The following CA10 variants were observed in gnomAD, a reference collection of about 807,000 sequenced individuals.
CA10 encodes carbonic anhydrase-related protein 10.
A neutral mutation model predicts 44.2 loss-of-function variants in CA10; 14 were observed. That is an observed-to-expected ratio of 0.32 (90% CI 0.21 to 0.50). CA10 has a LOEUF of 0.50. Ranked by LOEUF, CA10 falls within the 20% of genes least tolerant of loss-of-function variation. CA10 has a pLI of 0.99. For missense variants in CA10, 350 were observed against 409.7 expected (o/e 0.85, Z 1.26); for synonymous variants, 159 against 141.6 (o/e 1.12, Z -0.87).
chr17:52,071,308 A>C (rs1444852539), intron 2 of CA10, among the ~76,000 whole-genome samples: 2 of 152,234 alleles, frequency 1.3e-5, no homozygotes, highest in African/African-American at 4.8e-5. Context: ...ACTCTCCCTT[A>C]CCATGCCTGC....
intron 3 of CA10, among the ~76,000 whole-genome samples, chr17:51,887,878 T>C (rs922058157): frequency 6.7e-6 from 1 of 150,024 alleles, no homozygotes; most frequent in Non-Finnish European, 1.5e-5. Flanking sequence ...GAAAAAAAAT[T>C]AGTCGGGTGT....
Position 51,982,382 on chromosome 17 carries a change from T to G in CA10, c.137-51250A>C, listed in dbSNP as rs191834349. 2.4e-3 allele frequency among the ~76,000 whole-genome samples: 362 copies of G among 152,028 alleles called. 1 individual carries two copies. Among genetic ancestry groups the G allele is most frequent in the African/African-American group, 8.5e-3 (353 of 41,526 alleles). ...ACTTAAATTGTGCAATCAGGGTCTA[T>G]CCACACATTCAGCTATATTCTGTCA... On this transcript the variant is annotated intron_variant, in intron 2 of 8. Coordinates refer to ENST00000451037, the MANE Select transcript of CA10 (RefSeq NM_020178.5).
chr17:51,843,279 G>A (rs1329470612), intron 3 of CA10, among the ~76,000 whole-genome samples: 1 of 152,176 alleles, frequency 6.6e-6, no homozygotes, highest in Admixed American at 6.5e-5. Context: ...AGCTTCTCAC[G>A]GCTGGGCCTC....
At chr17:51,953,981 C>A (rs1442727927) in intron 2 of CA10, among the ~76,000 whole-genome samples, 1 of 152,134 alleles carries the variant, frequency 6.6e-6, no homozygotes, top group East Asian at 1.9e-4. Context: ...AAGTATTACT[C>A]TGTTGTGATT....
chr17:51,719,850 A>G (rs1485018426), intron 4 of CA10, among the ~76,000 whole-genome samples: 3 of 152,150 alleles, frequency 2.0e-5, no homozygotes, highest in Admixed American at 6.6e-5. Flanking sequence ...TAATCCCACA[A>G]CTGCAGCCTG....
At chr17:51,849,161 ATG>A (rs1176733588) in intron 3 of CA10, among the ~76,000 whole-genome samples, 9 of 108,464 alleles carry the variant, frequency 8.3e-5, no homozygotes, top group East Asian at 5.0e-4. Context: ...ATATACATAT[ATG>A]TATATATATA....
intron 2 of CA10, among the ~76,000 whole-genome samples, chr17:51,955,935 G>A (rs2144041089): frequency 6.6e-6 from 1 of 152,194 alleles, no homozygotes; most frequent in South Asian, 2.1e-4. Context: ...CATGGCACGT[G>A]TATACCTATG....
At chr17:51,804,928 G>A (rs1476261103) in intron 3 of CA10, among the ~76,000 whole-genome samples, 1 of 152,102 alleles carries the variant, frequency 6.6e-6, no homozygotes, top group Non-Finnish European at 1.5e-5. Flanking sequence ...TTCCCACTTT[G>A]AGGGTGGAGA....
intron 3 of CA10, among the ~76,000 whole-genome samples, chr17:51,886,805 G>A (rs1980621787): frequency 6.6e-6 from 1 of 152,180 alleles, no homozygotes; most frequent in Non-Finnish European, 1.5e-5. Context: ...GAGTGAATTT[G>A]TTCTCTGTTT....
rs1246533158 is a variant in CA10 at position 51,717,562 on chromosome 17, A to T, written c.465+30071T>A. Among the ~76,000 whole-genome samples, 3 of 122,060 alleles carry T rather than the reference A, an allele frequency of 2.5e-5. 1 individual carries two copies. Among genetic ancestry groups the T allele is most frequent in the Non-Finnish European group, 5.1e-5 (3 of 59,236 alleles). The allele number at this position is 122,060 out of a possible 152,430, so 80.1% of individuals were successfully genotyped here. A position where few individuals can be genotyped will look rare whatever the true frequency, so the allele number is the denominator to read the frequency against. On this transcript the variant is annotated intron_variant, in intron 4 of 8. Coordinates refer to ENST00000451037, the MANE Select transcript of CA10 (RefSeq NM_020178.5). Reference sequence around the variant, plus strand: ...ATATATATATATATATATATATATAATATTACATAAATATATAAAAATATA... The same window carrying T: ...ATATATATATATATATATATATATATTATTACATAAATATATAAAAATATA...
intron 4 of CA10, among the ~76,000 whole-genome samples, chr17:51,657,145 GT>G (rs1182253336): frequency 1.3e-5 from 2 of 152,178 alleles, no homozygotes; most frequent in Non-Finnish European, 2.9e-5. Flanking sequence ...GTATGTTTGT[GT>G]GCTGAAGAGG....
intron 4 of CA10, among the ~76,000 whole-genome samples, chr17:51,695,802 T>C (rs1186720862): frequency 6.6e-6 from 1 of 152,232 alleles, no homozygotes; most frequent in Non-Finnish European, 1.5e-5. Flanking sequence ...GCTGTGGTTT[T>C]GTCATAGATG....
Position 51,653,554 on chromosome 17 carries a change from A to G in CA10, c.561+87T>C, listed in dbSNP as rs1597964595. The stretch of plus-strand genomic sequence containing the variant: ...TTAGGCATGGATAGCACCCCTTTTA[A>G]TATTTCTAACTCCAACAGAGACCGT... On this transcript the variant is annotated intron_variant, in intron 5 of 8. Transcript: ENST00000451037. 5 of 794,766 alleles carry G rather than the reference A, an allele frequency of 6.3e-6. No individual in the cohort carries two copies. In the East Asian group the frequency reaches 7.7e-5, roughly 12 times the overall value. The allele number at this position is 794,766 out of a possible 1,614,324, so 49.2% of individuals were successfully genotyped here.
intron 3 of CA10, among the ~76,000 whole-genome samples, chr17:51,914,590 A>T (rs1022528147): frequency 1.3e-5 from 2 of 152,186 alleles, no homozygotes; most frequent in African/African-American, 2.4e-5. Flanking sequence ...TGCAATTAAT[A>T]GGCTGAAATA....
At chr17:51,957,567 A>G (rs1983713600) in intron 2 of CA10, among the ~76,000 whole-genome samples, 1 of 152,152 alleles carries the variant, frequency 6.6e-6, no homozygotes, top group Non-Finnish European at 1.5e-5. Context: ...AGTTGTAACC[A>G]TCTATCACTG....
intron 1 of CA10, among the ~76,000 whole-genome samples, chr17:52,089,763 A>G (rs1988211833): frequency 6.6e-6 from 1 of 152,112 alleles, no homozygotes; most frequent in South Asian, 2.1e-4. Flanking sequence ...AAAACTCTCA[A>G]AACTATAAAT....
intron 3 of CA10, among the ~76,000 whole-genome samples, chr17:51,772,841 A>G (rs1905662378): frequency 6.6e-6 from 1 of 152,184 alleles, no homozygotes; most frequent in Non-Finnish European, 1.5e-5. Context: ...CTTTTACTCT[A>G]AAACCCATGC....
intron 2 of CA10, among the ~76,000 whole-genome samples, chr17:51,997,793 T>C (rs527354488): frequency 1.2e-4 from 19 of 152,144 alleles, no homozygotes; most frequent in Non-Finnish European, 2.1e-4. Flanking sequence ...TAAAATAGCA[T>C]GGTCTAAAAA....
chr17:51,786,219 T>G (rs1906274037), intron 3 of CA10, among the ~76,000 whole-genome samples: 1 of 151,294 alleles, frequency 6.6e-6, no homozygotes, highest in African/African-American at 2.4e-5. Flanking sequence ...TGTGTCTGTG[T>G]GTGTGTGTGT....
Sources: allele counts gnomAD v4.1 joint callset (sites outside exome capture counted in the v4.1 genomes callset), GRCh38; gene constraint gnomAD v4.1.1; transcripts MANE v1.5; gene names NCBI Gene and HGNC (gene_info 2026-07-23, HGNC 2026-07-21).